Variants in GMDS observed in about 807,000 individuals in gnomAD.
The protein encoded by GMDS is GDP-mannose 4,6-dehydratase, also known as GDP-mannose 4,6 dehydratase.
A neutral mutation model predicts 49.9 loss-of-function variants in GMDS; 20 were observed. That is an observed-to-expected ratio of 0.40 (90% CI 0.28 to 0.58). The LOEUF (loss-of-function observed/expected upper bound fraction) is 0.58. Ranked by LOEUF, GMDS falls within the 20% of genes least tolerant of loss-of-function variation. GMDS has a pLI of 0.42. For synonymous variants in GMDS, 177 were observed against 178.6 expected (o/e 0.99, Z 0.07); for missense variants, 362 against 481.4 (o/e 0.75, Z 2.32).
intron 6 of GMDS, among the ~76,000 whole-genome samples, chr6:1,941,046 C>T (rs771730301): frequency 7.1e-6 from 1 of 141,016 alleles, no homozygotes; most frequent in African/African-American, 2.7e-5. Context: ...TAAAACAACC[C>T]CACAAAGACA....
chr6:1,974,162 C>A (rs943990378), intron 4 of GMDS, among the ~76,000 whole-genome samples: 2 of 150,038 alleles, frequency 1.3e-5, no homozygotes, highest in Non-Finnish European at 3.0e-5. Flanking sequence ...AAAAAAAAAA[C>A]CTAAGCTGTG....
intron 1 of GMDS, among the ~76,000 whole-genome samples, chr6:2,209,728 G>C (rs1779981770): frequency 6.6e-6 from 1 of 151,988 alleles, no homozygotes. Context: ...CCCTAAAAAA[G>C]GACACGTAAG....
intron 8 of GMDS, among the ~76,000 whole-genome samples, chr6:1,737,679 T>TACACAC (rs950865156): frequency 8.6e-6 from 1 of 116,778 alleles, no homozygotes; most frequent in African/African-American, 3.4e-5. Flanking sequence ...CAGATATACA[T>TACACAC]ACACACATAC....
intron 4 of GMDS, among the ~76,000 whole-genome samples, chr6:2,016,264 A>C (rs1767896326): frequency 6.6e-6 from 1 of 151,870 alleles, no homozygotes; most frequent in Admixed American, 6.6e-5. Flanking sequence ...GTCTCAAAAA[A>C]AAAAAAAAGC....
At chr6:1,651,918 A>G (rs1763663118) in intron 9 of GMDS, among the ~76,000 whole-genome samples, 1 of 150,986 alleles carries the variant, frequency 6.6e-6, no homozygotes, top group Admixed American at 6.6e-5. Context: ...GAACTTCAAC[A>G]TCACACACTC....
intron 7 of GMDS, among the ~76,000 whole-genome samples, chr6:1,865,166 T>A (rs574104529): frequency 6.6e-6 from 1 of 152,356 alleles, no homozygotes; most frequent in Admixed American, 6.5e-5. Flanking sequence ...CTGCTTTCTG[T>A]AAGAAATATT....
intron 9 of GMDS, among the ~76,000 whole-genome samples, chr6:1,669,821 G>T (rs1320413825): frequency 6.8e-6 from 1 of 146,352 alleles, no homozygotes; most frequent in African/African-American, 2.5e-5. Context: ...GCTGAGGCAG[G>T]AGAATCACTT....
chr6:1,729,176 G>A (rs1766700001), intron 8 of GMDS, among the ~76,000 whole-genome samples: 1 of 152,156 alleles, frequency 6.6e-6, no homozygotes, highest in Non-Finnish European at 1.5e-5. Flanking sequence ...TGCTTTGCTG[G>A]TCATAGACTC....
At chr6:1,713,909 A>T (rs1272236022) in intron 9 of GMDS, among the ~76,000 whole-genome samples, 1 of 152,240 alleles carries the variant, frequency 6.6e-6, no homozygotes, top group Non-Finnish European at 1.5e-5. Context: ...GTTTTAGAAA[A>T]CATATCCAAA....
In GMDS at chr6:1,748,388, G is replaced by A. The variant is rs776616636; in HGVS notation, c.772-5802C>T. 3.3e-5 allele frequency among the ~76,000 whole-genome samples: 5 copies of A among 151,776 alleles called. No homozygotes were observed. The East Asian group carries it at 7.7e-4, about 23-fold the overall frequency. The stretch of plus-strand genomic sequence containing the variant: ...TTTATCTTTTACATCTATCACCTCC[G>A]AGCTAATCATTTTTGGGTTTTGTTT... On this transcript the variant is annotated intron_variant, in intron 7 of 10. Coordinates refer to ENST00000380815, the MANE Select transcript of GMDS (RefSeq NM_001500.4).
At chr6:1,705,403 C>A (rs969192598) in intron 9 of GMDS, among the ~76,000 whole-genome samples, 20 of 152,202 alleles carry the variant, frequency 1.3e-4, no homozygotes, top group African/African-American at 4.3e-4. Flanking sequence ...GCCCCTTGTA[C>A]TCTCGATAGG....
At chr6:1,931,247 G>C (rs1762271125) in intron 6 of GMDS, among the ~76,000 whole-genome samples, 1 of 152,184 alleles carries the variant, frequency 6.6e-6, no homozygotes, top group Non-Finnish European at 1.5e-5. Context: ...ATGAAGCAGG[G>C]AGGCAAATAT....
chr6:1,639,637 C>T (rs1763267768), intron 9 of GMDS, among the ~76,000 whole-genome samples: 1 of 152,220 alleles, frequency 6.6e-6, no homozygotes, highest in Admixed American at 6.5e-5. Flanking sequence ...CCTGTAATCC[C>T]AGCACCTGGG....
At chr6:1,902,650 T>C (rs1760554036) in intron 7 of GMDS, among the ~76,000 whole-genome samples, 1 of 152,166 alleles carries the variant, frequency 6.6e-6, no homozygotes, top group Admixed American at 6.5e-5. Flanking sequence ...GATAAAAAAA[T>C]AGTAAGACGC....
At chr6:2,089,680 CAG>C (rs1170547112) in intron 4 of GMDS, among the ~76,000 whole-genome samples, 2 of 152,092 alleles carry the variant, frequency 1.3e-5, no homozygotes, top group African/African-American at 4.8e-5. Flanking sequence ...TAACTTCCTC[CAG>C]AGAGAAATTC....
intron 1 of GMDS, among the ~76,000 whole-genome samples, chr6:2,209,225 C>T (rs1428049968): frequency 6.6e-6 from 1 of 152,172 alleles, no homozygotes; most frequent in African/African-American, 2.4e-5. Flanking sequence ...CCAAAATACA[C>T]TTGGTTGAAA....
At chr6:2,244,422 C>G (rs17134819) in intron 1 of GMDS, among the ~76,000 whole-genome samples, 19,091 of 152,100 alleles carry the variant, frequency 0.13, 1,829 homozygotes, top group East Asian at 0.42. Flanking sequence ...TATTGGCCAC[C>G]ACCCAGAGAT....
rs114880834 is a variant in GMDS at position 2,179,121 on chromosome 6, G to A, written c.103-54390C>T. ...ACCATAGTACATGCACATGAGCATC[G>A]TAAACACAGTAAAACGTTATAGTAC... On this transcript the variant is annotated intron_variant, in intron 1 of 10. Transcript: ENST00000380815. Among the ~76,000 whole-genome samples the A allele has an allele frequency of 8.6e-3, 1,312 of 152,224 alleles. 26 individuals carry two copies. The highest frequency in any genetic ancestry group is 0.03 in the African/African-American group (1,258 of 41,532).
intron 7 of GMDS, among the ~76,000 whole-genome samples, chr6:1,874,571 G>A (rs1194854921): frequency 2.0e-5 from 3 of 152,144 alleles, no homozygotes; most frequent in Non-Finnish European, 4.4e-5. Context: ...AAATGTAGCT[G>A]TCGTTATCCT....
Sources: allele counts gnomAD v4.1 joint callset (sites outside exome capture counted in the v4.1 genomes callset), GRCh38; gene constraint gnomAD v4.1.1; transcripts MANE v1.5; gene names NCBI Gene and HGNC (gene_info 2026-07-23, HGNC 2026-07-21).